Variants in SUPT5H observed in about 807,000 individuals in gnomAD.
SUPT5H encodes the protein SPT5 homolog, DSIF elongation factor subunit, also known as transcription elongation factor SPT5.
Under a neutral mutation model 142.5 loss-of-function variants are expected in SUPT5H, and 24 were observed. The ratio of observed to expected loss-of-function variants is 0.17; its 90% CI spans 0.12 to 0.24. The LOEUF (loss-of-function observed/expected upper bound fraction) is 0.24. Ranked by LOEUF, SUPT5H falls within the 10% of genes least tolerant of loss-of-function variation. The pLI is 1.00. For synonymous variants in SUPT5H, 546 were observed against 553.0 expected (o/e 0.99, Z 0.18); for missense variants, 893 against 1,471.8 (o/e 0.61, Z 6.43).
At chr19:39,449,508 G>C (rs1186920402) in intron 2 of SUPT5H, among the ~76,000 whole-genome samples, 1 of 152,140 alleles carries the variant, frequency 6.6e-6, no homozygotes, top group Non-Finnish European at 1.5e-5. Flanking sequence ...AGATGGACTG[G>C]GCCCTACTAT....
intron 1 of SUPT5H, 56 bp from the exon 2 acceptor site, chr19:39,445,748 T>C: frequency 1.1e-6 from 1 of 934,618 alleles, no homozygotes; most frequent in Non-Finnish European, 1.6e-6. Flanking sequence ...TCACTCCGCT[T>C]CGCGATTGCC....
intron 2 of SUPT5H, among the ~76,000 whole-genome samples, chr19:39,448,715 G>T (rs1217408633): frequency 6.6e-6 from 1 of 152,096 alleles, no homozygotes; most frequent in African/African-American, 2.4e-5. Context: ...TGGCTAGACA[G>T]GTAGGGATGG....
Position 39,475,996 on chromosome 19 carries a change from G to C in SUPT5H, c.3025-85G>C, listed in dbSNP as rs76038682. ...ATTTCACCTTGAGTTCTCAGAATGA[G>C]CCCTGAGCCTGTGTCCCCTGGAGTA... On this transcript the variant is annotated intron_variant, in intron 28 of 29. Transcript: ENST00000432763. The C allele has an allele frequency of 7.3e-4, 938 of 1,282,482 alleles. 5 individuals carry two copies. The African/African-American group carries it at 0.012, about 16-fold the overall frequency. 79.4% of individuals were successfully genotyped at this position (1,282,482 alleles called of 1,614,324 possible).
At chr19:39,475,927 C>T (rs959186105) in intron 28 of SUPT5H, 154 bp from the exon 29 acceptor site, 5 of 666,480 alleles carry the variant, frequency 7.5e-6, no homozygotes, top group African/African-American at 5.5e-5. Flanking sequence ...CACCACAGGC[C>T]CCAGGCCTTG....
intron 3 of SUPT5H, among the ~76,000 whole-genome samples, chr19:39,457,379 G>A (rs1401044820): frequency 6.6e-6 from 1 of 152,156 alleles, no homozygotes; most frequent in Non-Finnish European, 1.5e-5. Flanking sequence ...CTGATAGTTG[G>A]GAGGGAACTT....
chr19:39,457,739 A>G lies in SUPT5H; in HGVS notation c.306A>G (p.Lys102=). Residue 102 remains lysine, a splice_region_variant and synonymous_variant, in exon 4 of 30, where the codon AAA becomes AAG. Transcript: ENST00000432763. ...WEDGAEDILE[K]EEIEASNIDN... ...ATGGAGCAGAGGACATTCTAGAGAA[A>G]GGTGTGTGTGAGCCCTGCCTCCACA... 4 of 1,614,104 alleles carry G rather than the reference A, an allele frequency of 2.5e-6. No individual in the cohort carries two copies. The highest frequency in any genetic ancestry group is 1.3e-5 in the African/African-American group (1 of 75,018).
chr19:39,466,802 G>A lies in SUPT5H; in HGVS notation c.1037+57G>A. 1.3e-6 allele frequency: 2 copies of A among 1,573,202 alleles called. No individual in the cohort carries two copies. Among genetic ancestry groups the A allele is most frequent in the Non-Finnish European group, 1.7e-6 (2 of 1,143,096 alleles). On this transcript the variant is annotated intron_variant, in intron 13 of 29. Transcript: ENST00000432763. The surrounding 1 kb of genome is among the most constrained non-coding windows in gnomAD (Gnocchi z 4.3). ...TCCCCAGGGCCGGTGTGTAGAATGT[G>A]CCTTTTGCAGGTTCCTCCCCAGGGG...
At position 39,458,235 on chromosome 19, in the gene SUPT5H, CCACCA is replaced by C; in HGVS notation, c.308-57_308-53del. 1 of 370,002 alleles carries C rather than the reference CCACCA, an allele frequency of 2.7e-6. No homozygotes were observed. Among genetic ancestry groups the C allele is most frequent in the South Asian group, 4.9e-5 (1 of 20,464 alleles). The allele number at this position is 370,002 out of a possible 1,614,324, so 22.9% of individuals were successfully genotyped here. ...CTCATACTTTGTCTGCCCTCGCCCACCACCACCACCACCACCACCACCACCACCAC... is the reference window on the plus strand; with the variant it reads ...CTCATACTTTGTCTGCCCTCGCCCACCCACCACCACCACCACCACCACCAC... On this transcript the variant is annotated intron_variant, in intron 4 of 29. Transcript: ENST00000432763. This position sits in a 1 kb window ranked among gnomAD's most constrained non-coding sequence, Gnocchi z 4.2.
Position 39,459,215 on chromosome 19 carries a change from G to A in SUPT5H, c.490G>A (p.Asp164Asn), listed in dbSNP as rs1247428958. 7 of 1,573,524 alleles carry A rather than the reference G, an allele frequency of 4.4e-6. No individual in the cohort carries two copies. Among genetic ancestry groups the A allele is most frequent in the Non-Finnish European group, 6.0e-6 (7 of 1,159,348 alleles). Reference protein sequence around the residue: ...VYGGSDELSDDITQQQLLPGV... With the variant: ...VYGGSDELSDNITQQQLLPGV... ...TGGAGGATCTGATGAGCTCTCAGAC[G>A]ACATCACCCAGCAGCAGCTGCTCCC... The change falls in exon 8 of 30, where the codon GAC (aspartate) becomes AAC (asparagine). Residue 164 changes from aspartate to asparagine, a missense_variant. This residue lies in a region of SUPT5H where 428 missense variants were observed against 763.5 expected (regional missense o/e 0.56). Transcript: ENST00000432763.
At chr19:39,459,999 G>A (rs535615786) in intron 10 of SUPT5H, 39 bp downstream of exon 10, 1 of 1,602,034 alleles carries the variant, frequency 6.2e-7, no homozygotes, top group South Asian at 1.1e-5. Context: ...GGGAGACATG[G>A]CAACACCCAG....
rs1473610401 is a variant in SUPT5H at position 39,469,377 on chromosome 19, G to A, written c.1353G>A (p.Met451Ile). Residue 451 changes from methionine to isoleucine, a missense_variant, in exon 16 of 30, where the codon ATG becomes ATA. Coordinates refer to ENST00000432763, the MANE Select transcript of SUPT5H (RefSeq NM_001111020.3). This position sits in a 1 kb window ranked among gnomAD's most constrained non-coding sequence, Gnocchi z 5.1. ...TGGATGGCAACAAGATCACCATCAT[G>A]CCCAAGCATGAGGACCTCAAGGTGG... is the stretch of plus-strand genomic sequence containing the variant. The part of the protein sequence containing the change: ...LSVDGNKITI[M>I]PKHEDLKDML... 6.2e-6 allele frequency: 10 copies of A among 1,614,122 alleles called. No individual in the cohort carries two copies. The highest frequency in any genetic ancestry group is 7.6e-6 in the Non-Finnish European group (9 of 1,180,052).
chr19:39,467,009 C>T lies in SUPT5H; in HGVS notation c.1037+264C>T, dbSNP rs2079248802. On this transcript the variant is annotated intron_variant, in intron 13 of 29. Transcript: ENST00000432763. ...CTTGCTTGAGGCAAGGAGTTCGAGA[C>T]CAGCCTGGGCAACATAATGAGATCC... 6 of 451,792 alleles carry T rather than the reference C, an allele frequency of 1.3e-5. No individual in the cohort carries two copies. The East Asian group carries it at 2.2e-4, about 17-fold the overall frequency. The allele number at this position is 451,792 out of a possible 1,614,324, so 28.0% of individuals were successfully genotyped here.
In SUPT5H at chr19:39,470,402, A is replaced by G; in HGVS notation, c.1556A>G (p.Gln519Arg). 1 of 1,593,898 alleles carries G rather than the reference A, an allele frequency of 6.3e-7. No individual in the cohort carries two copies. Among genetic ancestry groups the G allele is most frequent in the Non-Finnish European group, 8.6e-7 (1 of 1,167,828 alleles). ...HELKVLPRDLQLCSETASGVD... is the reference protein window; with the variant it reads ...HELKVLPRDLRLCSETASGVD... Reference sequence around the variant, plus strand: ...CTGAAGGTGCTCCCCCGGGACCTGCAGCTCTGCTCAGAGACAGCATCAGGT... The same window carrying G: ...CTGAAGGTGCTCCCCCGGGACCTGCGGCTCTGCTCAGAGACAGCATCAGGT... The change falls in exon 18 of 30, where the codon CAG becomes CGG. Residue 519 changes from glutamine (Q) to arginine (R), a missense_variant. This residue lies in a region of SUPT5H where 428 missense variants were observed against 763.5 expected (regional missense o/e 0.56). Coordinates refer to ENST00000432763, the MANE Select transcript of SUPT5H (RefSeq NM_001111020.3). The surrounding 1 kb of genome is among the most constrained non-coding windows in gnomAD (Gnocchi z 5.8).
At position 39,466,702 on chromosome 19, in the gene SUPT5H, T is replaced by C; in HGVS notation, c.994T>C (p.Phe332Leu). 1 of 1,614,026 alleles carries C rather than the reference T, an allele frequency of 6.2e-7. No homozygotes were observed. The highest frequency in any genetic ancestry group is 8.5e-7 in the Non-Finnish European group (1 of 1,180,022). ...LKDWFAKRKK[F>L]KRPPQRLFDA... ...AGACTGGTTTGCCAAAAGGAAGAAG[T>C]TTAAGCGGCCTCCACAGAGGCTGTT... The change falls in exon 13 of 30, where the codon TTT becomes CTT. Residue 332 changes from phenylalanine (F) to leucine (L), a missense_variant. Phe to Leu is a conservative substitution (Grantham distance 22). Around this residue, in one of 6 missense-constraint regions of SUPT5H, gnomAD observed 428 missense variants for 763.5 expected, o/e 0.56. Transcript: ENST00000432763. This position sits in a 1 kb window ranked among gnomAD's most constrained non-coding sequence, Gnocchi z 4.3.
In SUPT5H at chr19:39,458,977, C is replaced by A. The variant is rs370594966; in HGVS notation, c.390-28C>A. The A allele has an allele frequency of 6.2e-7, 1 of 1,614,022 alleles. No individual in the cohort carries two copies. Among genetic ancestry groups the A allele is most frequent in the Non-Finnish European group, 8.5e-7 (1 of 1,179,986 alleles). ...CACCTGCTGTCCTCAACCTTCAATT[C>A]GTGTTTGCTTCCCCACTCGTGCTCC... On this transcript the variant is annotated intron_variant, in intron 6 of 29. Coordinates refer to ENST00000432763, the MANE Select transcript of SUPT5H (RefSeq NM_001111020.3). The surrounding 1 kb of genome is among the most constrained non-coding windows in gnomAD (Gnocchi z 4.2).
chr19:39,446,575 T>A (rs1384336609), intron 2 of SUPT5H, among the ~76,000 whole-genome samples: 1 of 152,062 alleles, frequency 6.6e-6, no homozygotes, highest in Non-Finnish European at 1.5e-5. Flanking sequence ...GACCAGCAGG[T>A]GCAGAGATGG....
rs1230098917 is a variant in SUPT5H, at chr19:39,458,233, C to T, written c.308-61C>T. On this transcript the variant is annotated intron_variant, in intron 4 of 29. Transcript: ENST00000432763. This position sits in a 1 kb window ranked among gnomAD's most constrained non-coding sequence, Gnocchi z 4.2. The stretch of plus-strand genomic sequence containing the variant: ...GGCTCATACTTTGTCTGCCCTCGCC[C>T]ACCACCACCACCACCACCACCACCA... 8.2e-6 allele frequency: 2 copies of T among 245,158 alleles called. No individual in the cohort carries two copies. Among genetic ancestry groups the T allele is most frequent in the African/African-American group, 7.2e-5 (1 of 13,806 alleles). The allele number at this position is 245,158 out of a possible 1,614,324, so 15.2% of individuals were successfully genotyped here.
chr19:39,450,700 A>G (rs1385476826), intron 2 of SUPT5H, among the ~76,000 whole-genome samples: 1 of 152,206 alleles, frequency 6.6e-6, no homozygotes, highest in Non-Finnish European at 1.5e-5. Context: ...GGGGATGATG[A>G]AAGGTGCTTT....
intron 10 of SUPT5H, among the ~76,000 whole-genome samples, chr19:39,463,006 ATTTTTTTT>A (rs34217986): frequency 9.7e-6 from 1 of 103,086 alleles, no homozygotes; most frequent in South Asian, 3.3e-4. Flanking sequence ...TGCCCAGCTA[ATTTTTTTT>A]TTTTTTTTTT....
Sources: allele counts gnomAD v4.1 joint callset (sites outside exome capture counted in the v4.1 genomes callset), GRCh38; gene constraint gnomAD v4.1.1; regional missense constraint gnomAD v4.1.1; non-coding constraint Gnocchi (gnomAD v3.1); transcripts MANE v1.5; gene names NCBI Gene and HGNC (gene_info 2026-07-23, HGNC 2026-07-21).